Variants in ARID1B observed in about 807,000 individuals in gnomAD.
ARID1B encodes the protein AT-rich interactive domain-containing protein 1B.
ARID1B carries 30 observed loss-of-function variants against 212.3 expected under a neutral mutation model. The ratio of observed to expected loss-of-function variants is 0.14; its 90% CI spans 0.11 to 0.19. The LOEUF is 0.19. ARID1B is among the 10% of genes least tolerant of loss of function. The pLI is 1.00. For missense variants in ARID1B, 2,891 were observed against 3,204.0 expected, an observed-to-expected ratio of 0.90 and a Z score of 2.36; for synonymous variants, 1,402 against 1,301.7, an observed-to-expected ratio of 1.08 and a Z score of -1.66.
chr6:156,805,503 G>A (rs1781090714), intron 1 of ARID1B, among the ~76,000 whole-genome samples: 1 of 152,108 alleles, frequency 6.6e-6, no homozygotes, highest in Admixed American at 6.6e-5. Context: ...AACCTAGCAG[G>A]TTTACACTTC....
At chr6:156,966,386 CTTTT>C (rs1214987532) in intron 4 of ARID1B, among the ~76,000 whole-genome samples, 1 of 38,910 alleles carries the variant, frequency 2.6e-5, no homozygotes, top group African/African-American at 7.8e-5. Context: ...CTTTTCTTTT[CTTTT>C]TTTTTTTTTT....
intron 4 of ARID1B, among the ~76,000 whole-genome samples, chr6:156,977,457 G>T (rs1269395011): frequency 6.6e-6 from 1 of 151,928 alleles, no homozygotes; most frequent in Non-Finnish European, 1.5e-5. Flanking sequence ...AAGTGAAAAT[G>T]TATTTTTTAC....
At chr6:156,930,429 C>T (rs1008277934) in intron 3 of ARID1B, among the ~76,000 whole-genome samples, 17 of 152,184 alleles carry the variant, frequency 1.1e-4, no homozygotes, top group African/African-American at 2.2e-4. Context: ...GCTTCCTGTA[C>T]GGCCTGCAGA....
At chr6:156,777,148 G>A (rs950802748), upstream of ARID1B, 4 of 152,380 alleles carry the variant, frequency 2.6e-5, no homozygotes, top group Non-Finnish European at 4.4e-5. Context: ...GCGGCCCGGG[G>A]GGAAAGTGCA....
chr6:156,857,098 C>T (rs529516372), intron 2 of ARID1B, among the ~76,000 whole-genome samples: 1 of 152,202 alleles, frequency 6.6e-6, no homozygotes, highest in Non-Finnish European at 1.5e-5. Flanking sequence ...TGTCTGTTTA[C>T]TGGGTGCTTT....
chr6:157,143,243 C>G (rs1169034270), intron 7 of ARID1B, among the ~76,000 whole-genome samples: 1 of 152,214 alleles, frequency 6.6e-6, no homozygotes, highest in East Asian at 1.9e-4. Flanking sequence ...GGCCCAGCAT[C>G]TGCCGCCTTC....
rs1779028992 is a variant in ARID1B, at chr6:156,779,450, A to G, written c.1770A>G (p.Gly590=). 4.1e-6 allele frequency: 6 copies of G among 1,454,078 alleles called. No homozygotes were observed. The highest frequency in any genetic ancestry group is 1.3e-5 in the South Asian group (1 of 79,320). 90.1% of individuals were successfully genotyped at this position (1,454,078 alleles called of 1,614,324 possible). ...CGGCGATGAGCCCCGGCACCCCCGGACCGACCATGGGCAGATCCCAGGTAA... is the reference window on the plus strand; with the variant it reads ...CGGCGATGAGCCCCGGCACCCCCGGGCCGACCATGGGCAGATCCCAGGTAA... ...SHPAMSPGTP[G]PTMGRSQGSP... The change falls in exon 1 of 20, where the codon GGA becomes GGG. Residue 590 remains glycine, a synonymous_variant. Coordinates refer to ENST00000636930, the MANE Select transcript of ARID1B (RefSeq NM_001374828.1).
intron 4 of ARID1B, chr6:156,939,448 T>C (rs543874175): frequency 6.6e-6 from 1 of 152,356 alleles, no homozygotes; most frequent in Non-Finnish European, 1.5e-5. Context: ...ATCCTGAACA[T>C]TGTCTTCGCT....
At chr6:156,994,962 G>C (rs1778502890) in intron 4 of ARID1B, among the ~76,000 whole-genome samples, 2 of 152,246 alleles carry the variant, frequency 1.3e-5, no homozygotes, top group South Asian at 4.1e-4. Context: ...TGGGTGGACT[G>C]AGGGCAGAAG....
chr6:156,825,729 AG>A (rs979554770), intron 1 of ARID1B, among the ~76,000 whole-genome samples: 41 of 152,354 alleles, frequency 2.7e-4, no homozygotes, highest in African/African-American at 9.9e-4. Flanking sequence ...GGACTGCCTC[AG>A]GGCCCCGTAT....
intron 2 of ARID1B, among the ~76,000 whole-genome samples, chr6:156,855,335 C>A (rs1334751066): frequency 6.6e-6 from 1 of 152,190 alleles, no homozygotes; most frequent in African/African-American, 2.4e-5. Flanking sequence ...TGAGAGTAGA[C>A]TTCAGCTACA....
intron 4 of ARID1B, among the ~76,000 whole-genome samples, chr6:157,004,897 C>T (rs57028195): frequency 0.033 from 1,806 of 54,570 alleles, 291 homozygotes; most frequent in African/African-American, 0.055. Context: ...CTTCTTTTTT[C>T]TTTTTTTTTT....
At chr6:156,776,067 T>C (rs1397678835), upstream of ARID1B, among the ~76,000 whole-genome samples, 1 of 151,296 alleles carries the variant, frequency 6.6e-6, no homozygotes, top group Non-Finnish European at 1.5e-5. Context: ...TGAACTAAAA[T>C]AGTTTTTATG....
intron 1 of ARID1B, among the ~76,000 whole-genome samples, chr6:156,812,870 T>A (rs1301601412): frequency 6.9e-6 from 1 of 144,066 alleles, no homozygotes; most frequent in East Asian, 2.0e-4. Flanking sequence ...TCATGTGGTA[T>A]GTTATAAAAA....
At chr6:157,158,482 A>G (rs1252660064) in intron 8 of ARID1B, among the ~76,000 whole-genome samples, 4 of 152,216 alleles carry the variant, frequency 2.6e-5, no homozygotes, top group Admixed American at 6.5e-5. Flanking sequence ...CAAGCCCATT[A>G]AGGCATGAGA....
intron 7 of ARID1B, among the ~76,000 whole-genome samples, chr6:157,143,282 T>C (rs1789498921): frequency 6.6e-6 from 1 of 152,198 alleles, no homozygotes; most frequent in Non-Finnish European, 1.5e-5. Context: ...TCCATCTGTT[T>C]TCTGTCAAAG....
intron 4 of ARID1B, among the ~76,000 whole-genome samples, chr6:157,069,212 G>A (rs1415050904): frequency 1.3e-5 from 2 of 152,086 alleles, no homozygotes; most frequent in Non-Finnish European, 2.9e-5. Flanking sequence ...AAGAGCATAG[G>A]TTAGCTGTCA....
intron 1 of ARID1B, among the ~76,000 whole-genome samples, chr6:156,783,119 T>C (rs1779395075): frequency 6.6e-6 from 1 of 152,052 alleles, no homozygotes; most frequent in Non-Finnish European, 1.5e-5. Flanking sequence ...AACCCCTCTT[T>C]GCTTTGGCTC....
intron 2 of ARID1B, among the ~76,000 whole-genome samples, chr6:156,851,457 A>G (rs2128107601): frequency 6.6e-6 from 1 of 152,356 alleles, no homozygotes; most frequent in Non-Finnish European, 1.5e-5. Flanking sequence ...ACTTTTGGAC[A>G]GTGAGTTAGA....
Sources: allele counts gnomAD v4.1 joint callset (sites outside exome capture counted in the v4.1 genomes callset), GRCh38; gene constraint gnomAD v4.1.1; transcripts MANE v1.5; gene names NCBI Gene and HGNC (gene_info 2026-07-23, HGNC 2026-07-21).